The following GALM variants were observed in gnomAD, a reference collection of about 807,000 sequenced individuals.
The protein encoded by GALM is galactose mutarotase.
Under a neutral mutation model 37.4 loss-of-function variants are expected in GALM, and 43 were observed. The observed-to-expected ratio is 1.15, with a 90% CI of 0.90 to 1.48. GALM has a LOEUF of 1.48. Among genes scored for constraint, GALM ranks in the 40% most tolerant of loss-of-function variants. GALM has a pLI of 0.00. For synonymous variants in GALM, 199 were observed against 170.6 expected, an observed-to-expected ratio of 1.17 and a Z score of -1.30; for missense variants, 456 against 419.1, an observed-to-expected ratio of 1.09 and a Z score of -0.77.
At chr2:38,674,453 G>T (rs774659705) in intron 1 of GALM, among the ~76,000 whole-genome samples, 2 of 152,128 alleles carry the variant, frequency 1.3e-5, no homozygotes, top group Non-Finnish European at 2.9e-5. Flanking sequence ...CTGCCAAAGT[G>T]CTGGGATTAC....
At chr2:38,724,942 C>T (rs1666456003) in intron 4 of GALM, among the ~76,000 whole-genome samples, 1 of 152,082 alleles carries the variant, frequency 6.6e-6, no homozygotes, top group African/African-American at 2.4e-5. Context: ...TGATGTATGC[C>T]CTCTGTCTTT....
At chr2:38,730,376 C>T (rs1666579314) in intron 5 of GALM, among the ~76,000 whole-genome samples, 1 of 152,144 alleles carries the variant, frequency 6.6e-6, no homozygotes, top group Non-Finnish European at 1.5e-5. Context: ...AAGTGATTCT[C>T]CTGCCTCAGC....
chr2:38,693,508 G>A (rs1035252612), intron 4 of GALM, among the ~76,000 whole-genome samples: 35 of 150,694 alleles, frequency 2.3e-4, no homozygotes, highest in Non-Finnish European at 4.6e-4. Flanking sequence ...AAGAGAGAGA[G>A]AAAATAACCT....
chr2:38,726,387 C>G (rs555299397), intron 4 of GALM, among the ~76,000 whole-genome samples: 45 of 151,284 alleles, frequency 3.0e-4, no homozygotes, highest in African/African-American at 9.7e-4. Flanking sequence ...CCACTACGCC[C>G]GGCTAATTTT....
chr2:38,678,171 C>A (rs1172391504), intron 2 of GALM, among the ~76,000 whole-genome samples: 1 of 152,094 alleles, frequency 6.6e-6, no homozygotes, highest in African/African-American at 2.4e-5. Flanking sequence ...CATTCGCCAC[C>A]ATGCCTGGCT....
intron 4 of GALM, among the ~76,000 whole-genome samples, chr2:38,712,691 T>C (rs1393478329): frequency 1.3e-5 from 2 of 152,120 alleles, no homozygotes; most frequent in African/African-American, 4.8e-5. Context: ...GCCTCTATGT[T>C]CCCACTAAAC....
At chr2:38,708,260 C>T (rs1666080769) in intron 4 of GALM, among the ~76,000 whole-genome samples, 2 of 151,736 alleles carry the variant, frequency 1.3e-5, no homozygotes, top group Non-Finnish European at 2.9e-5. Flanking sequence ...GTGATCACGC[C>T]ACTGCACTCC....
In GALM at chr2:38,733,891, C is replaced by CT; in HGVS notation, c.*331dup. The stretch of plus-strand genomic sequence containing the variant: ...CTCCACACTGCCTCTTTCTTTTCAA[C>CT]TTTTTGCCCTTCCTTTCTTTAAAGC... On this transcript the variant is annotated 3_prime_UTR_variant, in exon 7 of 7. Transcript: ENST00000272252. The CT allele has an allele frequency of 5.8e-6, 2 of 345,410 alleles. No homozygotes were observed. Among genetic ancestry groups the CT allele is most frequent in the South Asian group, 5.9e-5 (2 of 34,118 alleles). The allele number at this position is 345,410 out of a possible 1,614,324, so 21.4% of individuals were successfully genotyped here.
In GALM at chr2:38,733,501, C is replaced by T. The variant is rs1666647263; in HGVS notation, c.965C>T (p.Pro322Leu). ...TCCCCTTCACAGCCCCGCTTCCCTC[C>T]TGTGCTGCTGAGGCCTGGTGAGGAG... ...PDAVNQPRFP[P>L]VLLRPGEEYD... is the part of the protein sequence containing the mutation. Residue 322 changes from proline to leucine, a missense_variant, in exon 7 of 7, where the codon CCT becomes CTT. Coordinates refer to ENST00000272252, the MANE Select transcript of GALM (RefSeq NM_138801.3). 3 of 1,613,840 alleles carry T rather than the reference C, an allele frequency of 1.9e-6. No homozygotes were observed. The highest frequency in any genetic ancestry group is 2.5e-6 in the Non-Finnish European group (3 of 1,179,848).
At chr2:38,667,019 A>C (rs774906870) in intron 1 of GALM, among the ~76,000 whole-genome samples, 1 of 152,152 alleles carries the variant, frequency 6.6e-6, no homozygotes, top group East Asian at 1.9e-4. Context: ...TAATCCGATG[A>C]CCTCATTAAA....
intron 4 of GALM, among the ~76,000 whole-genome samples, chr2:38,716,464 A>G (rs577261917): frequency 2.6e-5 from 4 of 152,318 alleles, no homozygotes; most frequent in Non-Finnish European, 5.9e-5. Context: ...TTTTGTGATG[A>G]ATGGCACTAT....
Position 38,681,417 on chromosome 2 carries a change from C to T in GALM, c.483C>T (p.Tyr161=), listed in dbSNP as rs761574253. The change falls in exon 3 of 7, where the codon TAC becomes TAT. Residue 161 remains tyrosine (Y), a synonymous_variant. Transcript: ENST00000272252. ...ATGGCGGAGAGCTCATAGTCAACTA[C>T]AGAGCACAAGCCAGTCAGGCCACAC... The part of the protein sequence containing the change: ...TLDGGELIVN[Y]RAQASQATPV... 1.2e-6 allele frequency: 2 copies of T among 1,614,162 alleles called. No individual in the cohort carries two copies. The highest frequency in any genetic ancestry group is 1.1e-5 in the South Asian group (1 of 91,090).
chr2:38,732,949 G>C (rs185990843), intron 6 of GALM, among the ~76,000 whole-genome samples: 72 of 149,874 alleles, frequency 4.8e-4, no homozygotes, highest in African/African-American at 1.6e-3. Flanking sequence ...GGCCAGGTGC[G>C]GTGGCTCACA....
chr2:38,724,516 G>A (rs1666446371), intron 4 of GALM, among the ~76,000 whole-genome samples: 1 of 152,124 alleles, frequency 6.6e-6, no homozygotes, highest in Admixed American at 6.6e-5. Context: ...CCAGAGACAT[G>A]GCGAATCTGG....
intron 2 of GALM, chr2:38,680,200 T>C (rs1309427600): frequency 3.0e-6 from 1 of 333,290 alleles, no homozygotes; most frequent in East Asian, 1.0e-4. Context: ...TTTAAACTTT[T>C]TCATAGAGAT....
intron 4 of GALM, among the ~76,000 whole-genome samples, chr2:38,722,039 C>CCT (rs1666389333): frequency 1.9e-5 from 1 of 52,124 alleles, no homozygotes; most frequent in Non-Finnish European, 4.0e-5. Context: ...TTCCCCCCCC[C>CCT]ACCCCCCCCC....
At chr2:38,684,482 G>A (rs1025404910) in intron 3 of GALM, among the ~76,000 whole-genome samples, 2 of 151,892 alleles carry the variant, frequency 1.3e-5, no homozygotes, top group African/African-American at 2.4e-5. Flanking sequence ...AGACCAGACC[G>A]GGCAACATAG....
chr2:38,707,452 G>C (rs1178575821), intron 4 of GALM, among the ~76,000 whole-genome samples: 2 of 152,160 alleles, frequency 1.3e-5, no homozygotes, highest in Non-Finnish European at 2.9e-5. Context: ...CAAAGAAGGA[G>C]AAGAGGTGTC....
At chr2:38,671,136 T>A (rs886311549) in intron 1 of GALM, among the ~76,000 whole-genome samples, 40 of 152,246 alleles carry the variant, frequency 2.6e-4, no homozygotes, top group African/African-American at 9.2e-4. Flanking sequence ...GTTAAATCAA[T>A]ATTCATGGCT....
Sources: allele counts gnomAD v4.1 joint callset (sites outside exome capture counted in the v4.1 genomes callset), GRCh38; gene constraint gnomAD v4.1.1; transcripts MANE v1.5; gene names NCBI Gene and HGNC (gene_info 2026-07-23, HGNC 2026-07-21).